The following TRAK1 variants were observed in gnomAD, a reference collection of about 807,000 sequenced individuals.
The protein encoded by TRAK1 is trafficking kinesin-binding protein 1.
Under a neutral mutation model 92.1 loss-of-function variants are expected in TRAK1, and 33 were observed. The ratio of observed to expected loss-of-function variants is 0.36; its 90% CI spans 0.27 to 0.48. The LOEUF (loss-of-function observed/expected upper bound fraction) is 0.48, where lower values mean the gene tolerates loss of function less well. TRAK1 is among the 20% of genes least tolerant of loss of function. The pLI is 0.99. For missense variants in TRAK1, 1,123 were observed against 1,257.9 expected, an observed-to-expected ratio of 0.89 and a Z score of 1.62; for synonymous variants, 521 against 517.3, an observed-to-expected ratio of 1.01 and a Z score of -0.10.
intron 1 of TRAK1, among the ~76,000 whole-genome samples, chr3:42,071,959 T>C (rs574455765): frequency 6.6e-6 from 1 of 152,310 alleles, no homozygotes; most frequent in East Asian, 1.9e-4. Flanking sequence ...GCCTCCAGAA[T>C]TCCTCCTGGT....
chr3:42,218,520 A>G (rs868121835), intron 14 of TRAK1: 3 of 981,340 alleles, frequency 3.1e-6, no homozygotes, highest in Non-Finnish European at 3.6e-6. Flanking sequence ...TTTTTTTTTT[A>G]TTTTATTATT....
At chr3:42,025,792 C>A (rs890591903) in intron 1 of TRAK1, among the ~76,000 whole-genome samples, 2 of 152,132 alleles carry the variant, frequency 1.3e-5, no homozygotes, top group South Asian at 4.1e-4. Context: ...GCTGGGGACA[C>A]CAGCTGTGCT....
intron 1 of TRAK1, among the ~76,000 whole-genome samples, chr3:42,067,129 G>A (rs1370702446): frequency 6.6e-6 from 1 of 152,184 alleles, no homozygotes; most frequent in Non-Finnish European, 1.5e-5. Flanking sequence ...TTGTACTCAA[G>A]TTGATTTAAG....
At chr3:42,051,546 T>C (rs1702982932) in intron 1 of TRAK1, 1 of 152,276 alleles carries the variant, frequency 6.6e-6, no homozygotes, top group Non-Finnish European at 1.5e-5. Flanking sequence ...TCAGATGCTC[T>C]TAGCAGGGAC....
chr3:42,138,819 G>C (rs1290412489), intron 2 of TRAK1, among the ~76,000 whole-genome samples: 1 of 151,734 alleles, frequency 6.6e-6, no homozygotes, highest in Non-Finnish European at 1.5e-5. Context: ...TTCTGAAGGG[G>C]AGTGTGGTCA....
rs1710630370 is a variant in TRAK1 at position 42,224,408 on chromosome 3, A to C, written c.*671A>C. 4.0e-6 allele frequency: 1 copy of C among 251,612 alleles called. No individual in the cohort carries two copies. Among genetic ancestry groups the C allele is most frequent in the Admixed American group, 5.8e-5 (1 of 17,104 alleles). 15.6% of individuals were successfully genotyped at this position (251,612 alleles called of 1,614,324 possible). ...GTGTTTTGTAATCAGCTGTCAGGCC[A>C]AATGTCTGACCCGAAAGAGAATGTA... On this transcript the variant is annotated 3_prime_UTR_variant, in exon 16 of 16. Transcript: ENST00000327628.
At chr3:42,124,938 C>T (rs894902504) in intron 1 of TRAK1, among the ~76,000 whole-genome samples, 2 of 151,620 alleles carry the variant, frequency 1.3e-5, no homozygotes, top group African/African-American at 4.9e-5. Context: ...ATGGATGGAT[C>T]GATGGAAGGA....
rs1710642926 is a variant in TRAK1, at chr3:42,224,630, C to T, written c.*893C>T. On this transcript the variant is annotated 3_prime_UTR_variant, in exon 16 of 16. Transcript: ENST00000327628. ...TTTTTTCTGGGACCCAGAGTCACAACCAAATTGATTTAAGACCGGACCCAA... is the reference window on the plus strand; with the variant it reads ...TTTTTTCTGGGACCCAGAGTCACAATCAAATTGATTTAAGACCGGACCCAA... 6.6e-6 allele frequency: 1 copy of T among 152,158 alleles called. No individual in the cohort carries two copies. The highest frequency in any genetic ancestry group is 2.4e-5 in the African/African-American group (1 of 41,420). 9.4% of individuals were successfully genotyped at this position (152,158 alleles called of 1,614,324 possible).
chr3:42,061,934 A>G (rs1448121023), intron 1 of TRAK1, among the ~76,000 whole-genome samples: 1 of 152,122 alleles, frequency 6.6e-6, no homozygotes, highest in African/African-American at 2.4e-5. Context: ...CAGGAGGGAA[A>G]CCACGCCCTT....
chr3:42,125,699 C>A, intron 2 of TRAK1, 85 bp downstream of exon 2: 1 of 1,472,002 alleles, frequency 6.8e-7, no homozygotes, highest in Admixed American at 1.9e-5. Flanking sequence ...CTTGTACTGG[C>A]TACCCTGTGA....
Position 42,160,562 on chromosome 3 carries a change from TG to T in TRAK1, c.287-16251del, listed in dbSNP as rs373959536. ...TTTTGCTGATTTCATAGCACTGTTT[TG>T]TTTTTGTTTTTTTTTAAGTTGAGGT... On this transcript the variant is annotated intron_variant, in intron 2 of 15. Coordinates refer to ENST00000327628, the MANE Select transcript of TRAK1 (RefSeq NM_001042646.3). The T allele has an allele frequency of 7.4e-3, 9,628 of 1,305,724 alleles. 85 individuals are homozygous for T. Among genetic ancestry groups the T allele is most frequent in the African/African-American group, 9.7e-3 (634 of 65,604 alleles). The allele number at this position is 1,305,724 out of a possible 1,614,324, so 80.9% of individuals were successfully genotyped here.
chr3:42,195,090 A>G, intron 10 of TRAK1, 149 bp downstream of exon 10: 1 of 984,844 alleles, frequency 1.0e-6, no homozygotes, highest in South Asian at 1.9e-5. Flanking sequence ...GGACACTTGA[A>G]TCTGACTGGT....
upstream of TRAK1, among the ~76,000 whole-genome samples, chr3:42,086,908 G>A (rs753024994): frequency 6.6e-6 from 1 of 152,134 alleles, no homozygotes; most frequent in Non-Finnish European, 1.5e-5. Context: ...GGTCAATATT[G>A]ATTAGTTGAA....
intron 2 of TRAK1, among the ~76,000 whole-genome samples, chr3:42,165,589 TG>T (rs563340751): frequency 6.6e-6 from 1 of 152,286 alleles, no homozygotes; most frequent in South Asian, 2.1e-4. Context: ...CAGGCTTTTG[TG>T]GGCTGTGGAG....
intron 15 of TRAK1, 116 bp downstream of exon 15, chr3:42,219,712 GA>G: frequency 8.9e-7 from 1 of 1,129,784 alleles, no homozygotes. Flanking sequence ...AAAACCAACT[GA>G]AGCCAGTGTA....
intron 1 of TRAK1, among the ~76,000 whole-genome samples, chr3:42,029,910 G>C (rs560266251): frequency 1.3e-5 from 2 of 152,010 alleles, no homozygotes; most frequent in Non-Finnish European, 2.9e-5. Flanking sequence ...GGGGAGGCAC[G>C]ATTGGAAGTA....
chr3:42,109,131 G>GT (rs1707992855), intron 1 of TRAK1, among the ~76,000 whole-genome samples: 1 of 152,158 alleles, frequency 6.6e-6, no homozygotes, highest in Non-Finnish European at 1.5e-5. Flanking sequence ...GTGCTGTAGT[G>GT]TATTCATTCT....
intron 2 of TRAK1, among the ~76,000 whole-genome samples, chr3:42,167,027 G>A (rs944156404): frequency 3.9e-5 from 6 of 152,198 alleles, no homozygotes; most frequent in African/African-American, 1.4e-4. Context: ...TAAAAGGATG[G>A]CATCAATTAA....
intron 1 of TRAK1, among the ~76,000 whole-genome samples, chr3:42,035,465 A>G (rs1702292884): frequency 1.3e-5 from 2 of 151,966 alleles, no homozygotes; most frequent in Non-Finnish European, 2.9e-5. Flanking sequence ...GCTGACCACC[A>G]CTGCCATTAC....
Sources: allele counts gnomAD v4.1 joint callset (sites outside exome capture counted in the v4.1 genomes callset), GRCh38; gene constraint gnomAD v4.1.1; transcripts MANE v1.5; gene names NCBI Gene and HGNC (gene_info 2026-07-23, HGNC 2026-07-21).